Variants in TEX9 observed in about 807,000 individuals in gnomAD.
TEX9 encodes testis-expressed protein 9.
Under a neutral mutation model 59.6 loss-of-function variants are expected in TEX9, and 74 were observed. The ratio of observed to expected loss-of-function variants is 1.24; its 90% CI spans 1.03 to 1.51. The LOEUF (loss-of-function observed/expected upper bound fraction) is 1.51, where lower values mean the gene tolerates loss of function less well. Among genes scored for constraint, TEX9 ranks in the 40% most tolerant of loss-of-function variants. The pLI is 0.00. For synonymous variants in TEX9, 186 were observed against 152.2 expected, an observed-to-expected ratio of 1.22 and a Z score of -1.64; for missense variants, 522 against 447.8, an observed-to-expected ratio of 1.17 and a Z score of -1.49.
intron 1 of TEX9, among the ~76,000 whole-genome samples, chr15:56,333,459 T>G (rs187666307): frequency 5.7e-4 from 74 of 130,108 alleles, no homozygotes; most frequent in African/African-American, 2.0e-3. Context: ...TTTGATGAAA[T>G]TCAACACTCC....
intron 1 of TEX9, among the ~76,000 whole-genome samples, chr15:56,300,453 G>T (rs1184555203): frequency 6.6e-6 from 1 of 152,118 alleles, no homozygotes; most frequent in Non-Finnish European, 1.5e-5. Flanking sequence ...TTGCCTTGAA[G>T]TTCCCATGCA....
intron 10 of TEX9, among the ~76,000 whole-genome samples, chr15:56,422,521 A>G (rs1211031563): frequency 6.6e-6 from 1 of 151,494 alleles, no homozygotes. Flanking sequence ...ATCACTGTAT[A>G]CCTCCAAGTA....
intron 1 of TEX9, among the ~76,000 whole-genome samples, chr15:56,340,213 T>C (rs2046345606): frequency 1.3e-5 from 2 of 152,198 alleles, no homozygotes; most frequent in African/African-American, 4.8e-5. Context: ...AAGAAACAAA[T>C]GTGAGGATTC....
chr15:56,423,858 G>A (rs562967317), intron 10 of TEX9, among the ~76,000 whole-genome samples: 29 of 152,112 alleles, frequency 1.9e-4, no homozygotes, highest in African/African-American at 7.0e-4. Flanking sequence ...TGAGATTTTG[G>A]TGCACCCATC....
chr15:56,373,974 T>A (rs2047309372), intron 3 of TEX9, among the ~76,000 whole-genome samples: 3 of 152,112 alleles, frequency 2.0e-5, no homozygotes, highest in Admixed American at 1.3e-4. Flanking sequence ...AGTTTAGGAA[T>A]AAGAAATGTA....
At chr15:56,275,165 A>G (rs1201341808) in intron 1 of TEX9, among the ~76,000 whole-genome samples, 1 of 152,204 alleles carries the variant, frequency 6.6e-6, no homozygotes, top group Non-Finnish European at 1.5e-5. Context: ...TAGATCCAGA[A>G]TGGTTTTGTG....
At chr15:56,322,501 T>A (rs1238728807) in intron 1 of TEX9, among the ~76,000 whole-genome samples, 2 of 152,310 alleles carry the variant, frequency 1.3e-5, no homozygotes, top group Admixed American at 6.5e-5. Context: ...ACCAGAATCC[T>A]GTCTCATCAT....
chr15:56,372,654 T>A (rs1355474759), intron 2 of TEX9, among the ~76,000 whole-genome samples: 2 of 152,244 alleles, frequency 1.3e-5, no homozygotes, highest in Admixed American at 1.3e-4. Context: ...TATATTGCTG[T>A]GGGAAAACAG....
Position 56,318,683 on chromosome 15 carries a change from A to G in TEX9, c.-106-54758A>G, listed in dbSNP as rs1020132887. 5.3e-5 allele frequency among the ~76,000 whole-genome samples: 8 copies of G among 151,682 alleles called. No individual in the cohort carries two copies. In the East Asian group the frequency reaches 5.8e-4, roughly 11 times the overall value. On this transcript the variant is annotated intron_variant, in intron 1 of 5. Transcript: ENST00000560827. ...TAATTCTCTTGTTGTTTCTTTTACT[A>G]TTTTTTTGAGAAATACTCAGTGGTT...
chr15:56,407,386 A>C (rs953214122), intron 9 of TEX9, among the ~76,000 whole-genome samples: 24 of 152,224 alleles, frequency 1.6e-4, no homozygotes, highest in African/African-American at 5.5e-4. Context: ...TTTAATGGAT[A>C]CAAGTCTATT....
At chr15:56,366,597 T>A (rs1413902674) in intron 2 of TEX9, among the ~76,000 whole-genome samples, 1 of 152,198 alleles carries the variant, frequency 6.6e-6, no homozygotes, top group Non-Finnish European at 1.5e-5. Context: ...TTTGTCTGTC[T>A]CCACTGGACT....
intron 1 of TEX9, among the ~76,000 whole-genome samples, chr15:56,343,380 A>G (rs757515478): frequency 3.9e-5 from 6 of 152,124 alleles, no homozygotes; most frequent in Non-Finnish European, 5.9e-5. Context: ...AAGAAAGGTA[A>G]TAATAAAGCT....
chr15:56,403,586 C>G (rs112343896), intron 9 of TEX9, among the ~76,000 whole-genome samples: 1 of 152,246 alleles, frequency 6.6e-6, no homozygotes, highest in South Asian at 2.1e-4. Flanking sequence ...AATGCCATCC[C>G]CATCAAGCTA....
chr15:56,281,777 C>T (rs1287091762), intron 1 of TEX9, among the ~76,000 whole-genome samples: 18 of 152,184 alleles, frequency 1.2e-4, no homozygotes, highest in African/African-American at 4.3e-4. Context: ...TGACTGCTTT[C>T]AGTCAGTTCT....
At chr15:56,315,171 G>A (rs2045723806) in intron 1 of TEX9, among the ~76,000 whole-genome samples, 1 of 146,122 alleles carries the variant, frequency 6.8e-6, no homozygotes, top group African/African-American at 2.5e-5. Context: ...GTATTGTTAT[G>A]TGTGAATTTG....
chr15:56,259,918 T>C (rs1248123823), intron 1 of TEX9, among the ~76,000 whole-genome samples: 3 of 152,088 alleles, frequency 2.0e-5, no homozygotes, highest in Non-Finnish European at 4.4e-5. Context: ...CTTATGTAAT[T>C]TTTCTTTGAA....
In TEX9 at chr15:56,385,873, A is replaced by T. The variant is rs572242306; in HGVS notation, c.263+1842A>T. ...ACTGACATGGCAGTATATTTGGCTC[A>T]TGTGAAATATTGGGACATTATTCAT... On this transcript the variant is annotated intron_variant, in intron 4 of 12. Coordinates refer to ENST00000352903, the Ensembl canonical transcript of TEX9. Among the ~76,000 whole-genome samples, 4 of 152,240 alleles carry T rather than the reference A, an allele frequency of 2.6e-5. No individual in the cohort carries two copies. In the South Asian group the frequency reaches 8.3e-4, roughly 32 times the overall value.
At chr15:56,428,225 C>T (rs1266216408) in intron 11 of TEX9, 142 bp from the exon 12 acceptor site, 5 of 576,322 alleles carry the variant, frequency 8.7e-6, no homozygotes, top group Non-Finnish European at 1.2e-5. Flanking sequence ...AAATATCATG[C>T]TTATTGGAAT....
chr15:56,284,913 G>C lies in TEX9; in HGVS notation c.-107+40635G>C, dbSNP rs192169499. ...TGTGGCAAGAGAGTATTCTCTATATGATTTTAATCATGTTAGATTTGTTGA... is the reference window on the plus strand; with the variant it reads ...TGTGGCAAGAGAGTATTCTCTATATCATTTTAATCATGTTAGATTTGTTGA... On this transcript the variant is annotated intron_variant, in intron 1 of 5. Coordinates refer to the TEX9 transcript ENST00000560827. Among the ~76,000 whole-genome samples, 8 of 152,042 alleles carry C rather than the reference G, an allele frequency of 5.3e-5. No individual in the cohort carries two copies. In the East Asian group the frequency reaches 1.5e-3, roughly 29 times the overall value.
Sources: allele counts gnomAD v4.1 joint callset (sites outside exome capture counted in the v4.1 genomes callset), GRCh38; gene constraint gnomAD v4.1.1; transcripts MANE v1.5; gene names NCBI Gene and HGNC (gene_info 2026-07-23, HGNC 2026-07-21).